Variants in SLC9A2 observed in about 807,000 individuals in gnomAD.
SLC9A2 encodes solute carrier family 9 member A2.
In SLC9A2, 42 loss-of-function variants were observed where a neutral mutation model predicts 71.7. The observed-to-expected ratio is 0.59, with a 90% CI of 0.46 to 0.76. The LOEUF (loss-of-function observed/expected upper bound fraction) is 0.76, where lower values mean the gene tolerates loss of function less well. Ranked by LOEUF, SLC9A2 falls within the 30% of genes least tolerant of loss-of-function variation. The probability of loss-of-function intolerance (pLI) is 0.00; values close to 1 mark genes in which losing one functional copy is unlikely to be tolerated. For missense variants in SLC9A2, 829 were observed against 1,017.4 expected, an observed-to-expected ratio of 0.81 and a Z score of 2.52; for synonymous variants, 396 against 392.5, an observed-to-expected ratio of 1.01 and a Z score of -0.10.
intron 3 of SLC9A2, among the ~76,000 whole-genome samples, chr2:102,678,357 T>C (rs1004724209): frequency 6.7e-6 from 1 of 148,966 alleles, no homozygotes; most frequent in South Asian, 2.1e-4. Flanking sequence ...GAGAGAGACA[T>C]GCATGAAAAG....
intron 2 of SLC9A2, among the ~76,000 whole-genome samples, chr2:102,661,073 T>C (rs1343367010): frequency 6.6e-6 from 1 of 152,148 alleles, no homozygotes; most frequent in Non-Finnish European, 1.5e-5. Context: ...CTGTAGTAGA[T>C]TAGAAGTAAC....
At chr2:102,694,534 T>C in intron 6 of SLC9A2, 31 bp downstream of exon 6, 1 of 1,131,628 alleles carries the variant, frequency 8.8e-7, no homozygotes, top group Non-Finnish European at 1.3e-6. Context: ...ATAATTTTAA[T>C]GATAAAGGAA....
At chr2:102,666,323 G>C (rs1444684060) in intron 3 of SLC9A2, among the ~76,000 whole-genome samples, 8 of 151,094 alleles carry the variant, frequency 5.3e-5, no homozygotes, top group Non-Finnish European at 1.5e-5. Flanking sequence ...AGCCTCCTGA[G>C]TAGCTGGGAC....
At chr2:102,644,292 T>A (rs1358583020) in intron 1 of SLC9A2, among the ~76,000 whole-genome samples, 1 of 152,144 alleles carries the variant, frequency 6.6e-6, no homozygotes, top group Non-Finnish European at 1.5e-5. Context: ...GCCCAGATAC[T>A]ACACTTTTCC....
rs1431937319 is a variant in SLC9A2, at chr2:102,657,772, T to C, written c.498T>C (p.Ile166=). Residue 166 remains isoleucine (I), a synonymous_variant, in exon 2 of 12, where the codon ATT becomes ATC. Transcript: ENST00000233969. The part of the protein sequence containing the change: ...FMPTRPFFEN[I]GTIFWYAVVG... ...CCACTCGCCCATTCTTTGAGAACAT[T>C]GGCACGATTTTCTGGTATGCTGTGG... The C allele has an allele frequency of 1.2e-6, 2 of 1,614,238 alleles. No homozygotes were observed. Among genetic ancestry groups the C allele is most frequent in the South Asian group, 1.1e-5 (1 of 91,082 alleles).
intron 1 of SLC9A2, among the ~76,000 whole-genome samples, chr2:102,630,803 A>G (rs1558700717): frequency 6.6e-6 from 1 of 151,906 alleles, no homozygotes. Flanking sequence ...TTACGTAATT[A>G]TAGTAATTAT....
intron 7 of SLC9A2, among the ~76,000 whole-genome samples, chr2:102,695,512 A>G (rs1677739403): frequency 6.6e-6 from 1 of 151,936 alleles, no homozygotes; most frequent in Non-Finnish European, 1.5e-5. Context: ...TAGACAAAGC[A>G]TATGTGTTAT....
chr2:102,686,373 T>C (rs1677546392), intron 5 of SLC9A2: 1 of 152,210 alleles, frequency 6.6e-6, no homozygotes. Context: ...GAGTGCTCAG[T>C]ATTGTAATGC....
At position 102,635,650 on chromosome 2, in the gene SLC9A2, C is replaced by T. The variant is rs567705985; in HGVS notation, c.289+15513C>T. Among the ~76,000 whole-genome samples, 33 of 152,336 alleles carry T rather than the reference C, an allele frequency of 2.2e-4. 1 individual carries two copies. In the Middle Eastern group the frequency reaches 0.017, roughly 79 times the overall value. ...TCACTTACAACGTATATAGTTAAAA[C>T]CAAGTAACACTGTTTTATATTTTCA... On this transcript the variant is annotated intron_variant, in intron 1 of 11. Transcript: ENST00000233969.
chr2:102,667,251 T>C (rs1677159244), intron 3 of SLC9A2, among the ~76,000 whole-genome samples: 1 of 152,200 alleles, frequency 6.6e-6, no homozygotes, highest in Non-Finnish European at 1.5e-5. Flanking sequence ...GCCAGTGTCA[T>C]TGAAAATGTA....
intron 5 of SLC9A2, among the ~76,000 whole-genome samples, chr2:102,685,512 G>T (rs554694899): frequency 1.0e-3 from 155 of 152,352 alleles, no homozygotes; most frequent in Non-Finnish European, 1.9e-3. Flanking sequence ...TGGAAGCCCT[G>T]CAGTCATTAG....
rs144807784 is a variant in SLC9A2, at chr2:102,627,690, A to G, written c.289+7553A>G. Among the ~76,000 whole-genome samples the G allele has an allele frequency of 2.1e-3, 312 of 152,090 alleles. 1 individual carries two copies. Among genetic ancestry groups the G allele is most frequent in the African/African-American group, 7.3e-3 (302 of 41,492 alleles). ...TTTATCAAAGAATTAGCTTTTGGTTAGCTTCTAAGTTATCTGCTTCTGCTC... is the reference window on the plus strand; with the variant it reads ...TTTATCAAAGAATTAGCTTTTGGTTGGCTTCTAAGTTATCTGCTTCTGCTC... On this transcript the variant is annotated intron_variant, in intron 1 of 11. Transcript: ENST00000233969.
intron 3 of SLC9A2, among the ~76,000 whole-genome samples, chr2:102,682,058 A>C (rs1188559842): frequency 2.0e-5 from 3 of 152,192 alleles, no homozygotes; most frequent in Non-Finnish European, 4.4e-5. Context: ...TGGTGGAGTT[A>C]CGAGAATGCT....
intron 5 of SLC9A2, among the ~76,000 whole-genome samples, chr2:102,687,374 AT>A (rs1677567735): frequency 6.6e-6 from 1 of 152,228 alleles, no homozygotes. Flanking sequence ...GAATACATCA[AT>A]AATTAAGGAA....
intron 3 of SLC9A2, among the ~76,000 whole-genome samples, chr2:102,678,427 TGAA>T (rs1195070241): frequency 2.6e-5 from 4 of 152,102 alleles, no homozygotes; most frequent in Admixed American, 6.5e-5. Flanking sequence ...CTAGGAATAT[TGAA>T]GGCCAATAGT....
intron 3 of SLC9A2, among the ~76,000 whole-genome samples, chr2:102,675,791 C>T (rs1411012149): frequency 6.6e-6 from 1 of 152,320 alleles, no homozygotes; most frequent in South Asian, 2.1e-4. Context: ...CCCTTATGCT[C>T]ACCCTCCAAT....
At chr2:102,654,000 T>C (rs1676884464) in intron 1 of SLC9A2, among the ~76,000 whole-genome samples, 1 of 152,046 alleles carries the variant, frequency 6.6e-6, no homozygotes, top group African/African-American at 2.4e-5. Context: ...GATGAGTAGG[T>C]GGGGCCTGGG....
At chr2:102,700,430 G>A (rs1033606225) in intron 7 of SLC9A2, among the ~76,000 whole-genome samples, 1 of 152,210 alleles carries the variant, frequency 6.6e-6, no homozygotes, top group African/African-American at 2.4e-5. Context: ...AAACAAAACT[G>A]AGAGGGAGGG....
Position 102,620,154 on chromosome 2 carries a change from T to G in SLC9A2, c.289+17T>G, listed in dbSNP as rs796542116. ...CCAAGATTGGTGAGCGAACTGGACT[T>G]GTGGGGAATGGGAGGGGGCGATCTC... On this transcript the variant is annotated intron_variant, in intron 1 of 11. Coordinates refer to ENST00000233969, the MANE Select transcript of SLC9A2 (RefSeq NM_003048.6). The G allele has an allele frequency of 6.3e-6, 10 of 1,583,328 alleles. No individual in the cohort carries two copies. In the African/African-American group the frequency reaches 9.5e-5, roughly 15 times the overall value.
Sources: allele counts gnomAD v4.1 joint callset (sites outside exome capture counted in the v4.1 genomes callset), GRCh38; gene constraint gnomAD v4.1.1; transcripts MANE v1.5; gene names NCBI Gene and HGNC (gene_info 2026-07-23, HGNC 2026-07-21).